The following FLT3 variants were observed in gnomAD, a reference collection of about 807,000 sequenced individuals.
The protein encoded by FLT3 is receptor-type tyrosine-protein kinase FLT3.
A neutral mutation model predicts 126.6 loss-of-function variants in FLT3; 46 were observed. The observed-to-expected ratio is 0.36, with a 90% CI of 0.29 to 0.46. The LOEUF (loss-of-function observed/expected upper bound fraction) is 0.46, where lower values mean the gene tolerates loss of function less well. Ranked by LOEUF, FLT3 falls within the 20% of genes least tolerant of loss-of-function variation. FLT3 has a pLI of 1.00. For missense variants in FLT3, 1,069 were observed against 1,190.3 expected, an observed-to-expected ratio of 0.90 and a Z score of 1.50; for synonymous variants, 404 against 434.4, an observed-to-expected ratio of 0.93 and a Z score of 0.87.
chr13:28,073,438 T>C, intron 1 of FLT3: 1 of 427,428 alleles, frequency 2.3e-6, no homozygotes, highest in Middle Eastern at 3.6e-4. Context: ...CCAGCCATCT[T>C]TGTAATCTCA....
chr13:28,042,697 A>G (rs1490209595), intron 9 of FLT3, among the ~76,000 whole-genome samples: 6 of 152,142 alleles, frequency 3.9e-5, no homozygotes, highest in African/African-American at 1.4e-4. Flanking sequence ...GATGTGGTTA[A>G]TAACTTACAA....
chr13:28,022,443 C>G (rs1872481692), intron 19 of FLT3, among the ~76,000 whole-genome samples: 1 of 152,014 alleles, frequency 6.6e-6, no homozygotes, highest in South Asian at 2.1e-4. Context: ...ACCCAGGAAG[C>G]AGAGGTTGTA....
intron 1 of FLT3, among the ~76,000 whole-genome samples, chr13:28,098,398 A>G (rs913963587): frequency 6.6e-6 from 1 of 151,788 alleles, no homozygotes; most frequent in Non-Finnish European, 1.5e-5. Context: ...ATTTAAGGCT[A>G]TTAACCATTT....
chr13:28,034,418 A>G lies in FLT3; in HGVS notation c.1598-11T>C. On this transcript the variant is annotated splice_polypyrimidine_tract_variant and intron_variant, in intron 12 of 23. Coordinates refer to ENST00000241453, the MANE Select transcript of FLT3 (RefSeq NM_004119.3). ...TGAAAGGGAAGGGGCCTGCAACAAA[A>G]GAGTGTCACTCAGCGATGAAACAGA... The G allele has an allele frequency of 6.3e-7, 1 of 1,577,852 alleles. No homozygotes were observed. The highest frequency in any genetic ancestry group is 2.2e-5 in the East Asian group (1 of 44,712).
chr13:28,100,226 G>A lies in FLT3; in HGVS notation c.43+242C>T, dbSNP rs915498927. 1.3e-5 allele frequency among the ~76,000 whole-genome samples: 2 copies of A among 152,134 alleles called. No homozygotes were observed. Among genetic ancestry groups the A allele is most frequent in the African/African-American group, 2.4e-5 (1 of 41,452 alleles). On this transcript the variant is annotated intron_variant, in intron 1 of 23. Transcript: ENST00000241453. This position sits in a 1 kb window ranked among gnomAD's most constrained non-coding sequence, Gnocchi z 4.8. ...GCCGCCACTCGGGACCGCGGCCCGA[G>A]CCAGAGGAGAGACTTCGGAGAAGAG...
intron 1 of FLT3, among the ~76,000 whole-genome samples, chr13:28,091,431 C>G (rs1405810078): frequency 6.7e-6 from 1 of 150,158 alleles, no homozygotes; most frequent in Non-Finnish European, 1.5e-5. Context: ...CCGTGTTAGC[C>G]AGGATGGTCT....
chr13:28,086,043 T>C (rs1284340546), intron 1 of FLT3, among the ~76,000 whole-genome samples: 1 of 152,262 alleles, frequency 6.6e-6, no homozygotes, highest in African/African-American at 2.4e-5. Flanking sequence ...CTGAAACTTC[T>C]GCTTTTTAAT....
chr13:28,053,903 C>CA (rs1424193130), intron 4 of FLT3, among the ~76,000 whole-genome samples: 1 of 151,984 alleles, frequency 6.6e-6, no homozygotes, highest in Non-Finnish European at 1.5e-5. Context: ...GGCTGGAGTG[C>CA]AGTGGTGCAA....
In FLT3 at chr13:28,052,520, AGCAGCTACC is replaced by A; in HGVS notation, c.614+16_614+24del. On this transcript the variant is annotated intron_variant, in intron 5 of 23. Coordinates refer to ENST00000241453, the MANE Select transcript of FLT3 (RefSeq NM_004119.3). Reference sequence around the variant, plus strand: ...AAGGCCAAAAGGAAATTATGAGAATAGCAGCTACCATGGATGTGTCATACCTTTCCCCCT... The same window carrying A: ...AAGGCCAAAAGGAAATTATGAGAATAATGGATGTGTCATACCTTTCCCCCT... The A allele has an allele frequency of 6.3e-7, 1 of 1,594,052 alleles. No individual in the cohort carries two copies. The highest frequency in any genetic ancestry group is 8.5e-7 in the Non-Finnish European group (1 of 1,171,060).
intron 9 of FLT3, among the ~76,000 whole-genome samples, chr13:28,047,742 A>G (rs1208902465): frequency 2.6e-5 from 4 of 151,830 alleles, no homozygotes; most frequent in Admixed American, 6.6e-5. Context: ...AAAGAAAAAG[A>G]AAAGAAAATT....
intron 8 of FLT3, 80 bp from the exon 9 acceptor site, chr13:28,048,523 A>T: frequency 1.0e-6 from 1 of 995,192 alleles, no homozygotes; most frequent in Non-Finnish European, 1.5e-6. Flanking sequence ...ATAAACTTGT[A>T]TTCATCAGTT....
intron 1 of FLT3, among the ~76,000 whole-genome samples, chr13:28,073,120 T>A (rs1877671842): frequency 6.6e-6 from 1 of 151,990 alleles, no homozygotes; most frequent in Non-Finnish European, 1.5e-5. Flanking sequence ...GTGGGTGGAT[T>A]GCTTGAGGCC....
chr13:28,033,493 G>A (rs577650608), intron 15 of FLT3, among the ~76,000 whole-genome samples: 7 of 152,072 alleles, frequency 4.6e-5, no homozygotes, highest in East Asian at 1.9e-4. Context: ...GTGAAACCCC[G>A]TCTCTACCAA....
At chr13:28,047,234 G>C (rs560932049) in intron 9 of FLT3, among the ~76,000 whole-genome samples, 14 of 152,306 alleles carry the variant, frequency 9.2e-5, no homozygotes, top group African/African-American at 3.4e-4. Flanking sequence ...GAGAAAGGAT[G>C]ATTTATTCTA....
At chr13:28,026,839 C>T (rs1268338058) in intron 17 of FLT3, among the ~76,000 whole-genome samples, 3 of 152,166 alleles carry the variant, frequency 2.0e-5, no homozygotes, top group African/African-American at 7.2e-5. Flanking sequence ...ACCAAATAGG[C>T]GTCTATGGTG....
chr13:28,010,571 G>A (rs1456644903), intron 23 of FLT3, among the ~76,000 whole-genome samples: 1 of 152,188 alleles, frequency 6.6e-6, no homozygotes, highest in African/African-American at 2.4e-5. Flanking sequence ...AGGTAATCAT[G>A]TAATCAGTGA....
chr13:28,092,781 T>C (rs1157808873), intron 1 of FLT3, among the ~76,000 whole-genome samples: 1 of 151,054 alleles, frequency 6.6e-6, no homozygotes, highest in Non-Finnish European at 1.5e-5. Context: ...TACCCTTTCT[T>C]GAGTCACAAA....
chr13:28,050,035 C>G (rs748680767), intron 6 of FLT3, 60 bp downstream of exon 6: 13 of 1,574,958 alleles, frequency 8.3e-6, no homozygotes, highest in Non-Finnish European at 1.0e-5. Context: ...TACTGTTAGT[C>G]CCTGATAGTT....
At chr13:28,078,722 T>TC (rs1333497660) in intron 1 of FLT3, among the ~76,000 whole-genome samples, 5 of 151,702 alleles carry the variant, frequency 3.3e-5, no homozygotes, top group Non-Finnish European at 7.4e-5. Context: ...TTTCTTTTTT[T>TC]TTTTTTTTTG....
Sources: gnomAD v4.1 joint callset for allele counts (sites outside exome capture counted in the v4.1 genomes callset) on GRCh38, gnomAD v4.1.1 for gene constraint, Gnocchi (gnomAD v3.1) non-coding constraint, MANE v1.5 for transcripts, NCBI Gene and HGNC (gene_info 2026-07-23, HGNC 2026-07-21) for gene names.